The following TMEM132D variants were observed in gnomAD, a reference collection of about 807,000 sequenced individuals.
TMEM132D encodes the protein mature OL transmembrane protein.
In TMEM132D, 21 loss-of-function variants were observed where a neutral mutation model predicts 62.3. The observed-to-expected ratio is 0.34, with a 90% CI of 0.24 to 0.49. TMEM132D has a LOEUF of 0.49. Among genes scored for constraint, TMEM132D ranks in the 20% least tolerant of loss-of-function variants. The pLI, the probability that TMEM132D is intolerant of heterozygous loss-of-function variation, is 0.99. For synonymous variants in TMEM132D, 621 were observed against 575.6 expected (o/e 1.08, Z -1.13); for missense variants, 1,346 against 1,402.8 (o/e 0.96, Z 0.65).
At chr12:129,291,807 A>G (rs1379952052) in intron 4 of TMEM132D, among the ~76,000 whole-genome samples, 1 of 152,194 alleles carries the variant, frequency 6.6e-6, no homozygotes, top group African/African-American at 2.4e-5. Context: ...ATTGAGGTTC[A>G]GAGAAAGAAA....
intron 1 of TMEM132D, among the ~76,000 whole-genome samples, chr12:129,741,730 A>T (rs1290290739): frequency 6.6e-6 from 1 of 152,206 alleles, no homozygotes; most frequent in Non-Finnish European, 1.5e-5. Context: ...ATTGGGAAAT[A>T]AGACTTTAAG....
chr12:129,633,850 C>A (rs1269495975), intron 2 of TMEM132D, among the ~76,000 whole-genome samples: 1 of 152,144 alleles, frequency 6.6e-6, no homozygotes, highest in Non-Finnish European at 1.5e-5. Context: ...GATTTGGAGC[C>A]TTTTGCTCCT....
chr12:129,365,008 G>A (rs543525768), intron 3 of TMEM132D, among the ~76,000 whole-genome samples: 1 of 152,322 alleles, frequency 6.6e-6, no homozygotes, highest in South Asian at 2.1e-4. Context: ...TGAATGTACA[G>A]CATTTCCTTC....
At chr12:129,439,061 T>C (rs1275245102) in intron 3 of TMEM132D, among the ~76,000 whole-genome samples, 1 of 152,186 alleles carries the variant, frequency 6.6e-6, no homozygotes, top group African/African-American at 2.4e-5. Flanking sequence ...GTCCAGTAGC[T>C]ACAAGATGTA....
At chr12:129,434,078 T>G (rs1316447701) in intron 3 of TMEM132D, among the ~76,000 whole-genome samples, 1 of 152,166 alleles carries the variant, frequency 6.6e-6, no homozygotes, top group Non-Finnish European at 1.5e-5. Flanking sequence ...ATATTATTTC[T>G]AGGATTATGC....
chr12:129,590,869 T>C (rs750645157), intron 2 of TMEM132D, among the ~76,000 whole-genome samples: 1 of 152,110 alleles, frequency 6.6e-6, no homozygotes, highest in African/African-American at 2.4e-5. Context: ...AATTTGAAAA[T>C]TGCAAGCATC....
At chr12:129,222,337 C>A (rs894609234) in intron 4 of TMEM132D, among the ~76,000 whole-genome samples, 1 of 152,160 alleles carries the variant, frequency 6.6e-6, no homozygotes, top group Non-Finnish European at 1.5e-5. Flanking sequence ...AAATGTTACC[C>A]GTCCAAAAGC....
chr12:129,480,923 T>C (rs6486474), intron 3 of TMEM132D, among the ~76,000 whole-genome samples: 94,398 of 151,912 alleles, frequency 0.62, 30,284 homozygotes, highest in African/African-American at 0.79. Flanking sequence ...TGGAGCAGAG[T>C]TTTGGAGACA....
chr12:129,487,031 T>A (rs1410000496), intron 3 of TMEM132D, among the ~76,000 whole-genome samples: 1 of 70,490 alleles, frequency 1.4e-5, no homozygotes, highest in Non-Finnish European at 3.3e-5. Context: ...TGTTTGCGTA[T>A]GGGGGGGGGG....
chr12:129,368,637 A>G (rs1018166716), intron 3 of TMEM132D, among the ~76,000 whole-genome samples: 2 of 151,906 alleles, frequency 1.3e-5, no homozygotes, highest in African/African-American at 4.8e-5. Context: ...TGGGTCCTCC[A>G]TTGACGAGCA....
chr12:129,471,367 T>A (rs146406367), intron 3 of TMEM132D, among the ~76,000 whole-genome samples: 1 of 152,298 alleles, frequency 6.6e-6, no homozygotes, highest in East Asian at 1.9e-4. Flanking sequence ...AGTATCTGTA[T>A]GGTGATCATT....
chr12:129,818,334 T>C (rs2137322559), intron 1 of TMEM132D, among the ~76,000 whole-genome samples: 1 of 148,284 alleles, frequency 6.7e-6, no homozygotes, highest in South Asian at 2.2e-4. Flanking sequence ...TATCTATGTG[T>C]ATCTGCTTTG....
chr12:129,582,722 G>C (rs189347484), intron 2 of TMEM132D, among the ~76,000 whole-genome samples: 220 of 151,154 alleles, frequency 1.5e-3, no homozygotes, highest in Middle Eastern at 3.4e-3. Context: ...GGGTTCAAGC[G>C]ATTCTCCTGC....
chr12:129,781,458 AT>A (rs1871117482), intron 1 of TMEM132D, among the ~76,000 whole-genome samples: 1 of 152,232 alleles, frequency 6.6e-6, no homozygotes, highest in African/African-American at 2.4e-5. Context: ...TACAATGATT[AT>A]TTGTCAATTT....
rs143336975 is a variant in TMEM132D at position 129,280,650 on chromosome 12, T to C, written c.1299+56984A>G. Among the ~76,000 whole-genome samples the C allele has an allele frequency of 3.1e-3, 474 of 152,262 alleles. 2 individuals are homozygous for C. The highest frequency in any genetic ancestry group is 0.011 in the African/African-American group (439 of 41,544). On this transcript the variant is annotated intron_variant, in intron 4 of 8. Coordinates refer to ENST00000422113, the MANE Select transcript of TMEM132D (RefSeq NM_133448.3). ...CTGCATATTTTGGGATTTCTCAGCC[T>C]CCATAAGTATGTAAGCCATTTGTTT...
intron 1 of TMEM132D, among the ~76,000 whole-genome samples, chr12:129,849,341 A>T (rs929266024): frequency 6.6e-5 from 10 of 152,080 alleles, no homozygotes; most frequent in African/African-American, 2.4e-4. Flanking sequence ...ACCAAAAAAT[A>T]CAAGCATAAA....
intron 1 of TMEM132D, among the ~76,000 whole-genome samples, chr12:129,900,983 A>G (rs1875334197): frequency 6.6e-6 from 1 of 152,246 alleles, no homozygotes; most frequent in Non-Finnish European, 1.5e-5. Flanking sequence ...TCTGCTTATG[A>G]AATATAAACG....
chr12:129,848,733 A>G (rs572961701), intron 1 of TMEM132D, among the ~76,000 whole-genome samples: 4 of 152,290 alleles, frequency 2.6e-5, no homozygotes, highest in Admixed American at 2.6e-4. Flanking sequence ...CTGAGGGATC[A>G]TTTTAATTTC....
chr12:129,715,030 C>T (rs982054819), intron 1 of TMEM132D, among the ~76,000 whole-genome samples: 4 of 152,172 alleles, frequency 2.6e-5, no homozygotes, highest in Non-Finnish European at 4.4e-5. Context: ...TATATTAAAA[C>T]TAGTAGAGTG....
Sources: allele counts gnomAD v4.1 joint callset (sites outside exome capture counted in the v4.1 genomes callset), GRCh38; gene constraint gnomAD v4.1.1; transcripts MANE v1.5; gene names NCBI Gene and HGNC (gene_info 2026-07-23, HGNC 2026-07-21).